The following CDK14 variants were observed in gnomAD, a reference collection of about 807,000 sequenced individuals.
CDK14 encodes the protein cyclin dependent kinase 14.
Under a neutral mutation model 60.7 loss-of-function variants are expected in CDK14, and 34 were observed. That is an observed-to-expected ratio of 0.56 (90% CI 0.43 to 0.75). The LOEUF (loss-of-function observed/expected upper bound fraction) is 0.75. Among genes scored for constraint, CDK14 ranks in the 30% least tolerant of loss-of-function variants. The pLI, the probability that CDK14 is intolerant of heterozygous loss-of-function variation, is 0.00. For missense variants in CDK14, 482 were observed against 564.1 expected, an observed-to-expected ratio of 0.85 and a Z score of 1.47; for synonymous variants, 197 against 203.7, an observed-to-expected ratio of 0.97 and a Z score of 0.28.
chr7:90,676,102 C>T (rs886477334), intron 2 of CDK14, among the ~76,000 whole-genome samples: 2 of 152,182 alleles, frequency 1.3e-5, no homozygotes, highest in Non-Finnish European at 1.5e-5. Context: ...AGTGAAAATG[C>T]AGTAATGAGC....
intron 10 of CDK14, among the ~76,000 whole-genome samples, chr7:90,998,895 A>AAAAG (rs1554401300): frequency 6.7e-6 from 1 of 150,194 alleles, no homozygotes; most frequent in African/African-American, 2.5e-5. Flanking sequence ...TCTCAAAAAT[A>AAAAG]AAATAAATAA....
chr7:90,846,804 C>T (rs1790484443), intron 5 of CDK14, among the ~76,000 whole-genome samples: 1 of 152,056 alleles, frequency 6.6e-6, no homozygotes, highest in African/African-American at 2.4e-5. Context: ...AAAGTGGCCC[C>T]CAGCATCCTA....
chr7:90,828,111 G>A (rs1393441267), intron 5 of CDK14, among the ~76,000 whole-genome samples: 2 of 152,090 alleles, frequency 1.3e-5, no homozygotes, highest in East Asian at 3.8e-4. Context: ...TAACCTCCAA[G>A]GTTTAAATAC....
chr7:90,980,883 G>C (rs1795209722), intron 9 of CDK14, among the ~76,000 whole-genome samples: 1 of 152,172 alleles, frequency 6.6e-6, no homozygotes, highest in South Asian at 2.1e-4. Flanking sequence ...ACATATTATG[G>C]AGATGATATA....
At chr7:91,139,788 T>TTCTTTCTTTCTTTCTC (rs2115604195) in intron 14 of CDK14, among the ~76,000 whole-genome samples, 1 of 86,224 alleles carries the variant, frequency 1.2e-5, no homozygotes, top group South Asian at 4.6e-4. Flanking sequence ...TTTCTTTCCT[T>TTCTTTCTTTCTTTCTC]TCTTTCTTTC....
intron 6 of CDK14, among the ~76,000 whole-genome samples, chr7:90,867,442 GAA>G (rs1315114185): frequency 6.6e-6 from 1 of 152,128 alleles, no homozygotes; most frequent in Non-Finnish European, 1.5e-5. Context: ...TCCCATCAGT[GAA>G]AATAAGAATG....
intron 5 of CDK14, among the ~76,000 whole-genome samples, chr7:90,847,051 G>C (rs1584039969): frequency 6.6e-6 from 1 of 152,238 alleles, no homozygotes; most frequent in South Asian, 2.1e-4. Context: ...TGGTTCAACT[G>C]CTTTATCTTA....
intron 14 of CDK14, among the ~76,000 whole-genome samples, chr7:91,175,505 C>G (rs1230105686): frequency 1.3e-5 from 2 of 152,124 alleles, no homozygotes; most frequent in Non-Finnish European, 2.9e-5. Context: ...TTGAAAGACA[C>G]AGACTGGCAA....
chr7:91,196,483 T>C (rs1189603410), intron 14 of CDK14, among the ~76,000 whole-genome samples: 2 of 152,246 alleles, frequency 1.3e-5, no homozygotes, highest in Non-Finnish European at 2.9e-5. Context: ...GGCAAATCAA[T>C]TGATGCTGTT....
intron 14 of CDK14, among the ~76,000 whole-genome samples, chr7:91,181,083 G>T (rs1212575648): frequency 6.6e-6 from 1 of 152,018 alleles, no homozygotes; most frequent in Admixed American, 6.6e-5. Context: ...CACTCTCCTG[G>T]CCAAAACCAA....
chr7:91,090,407 A>G (rs1798766856), intron 12 of CDK14, among the ~76,000 whole-genome samples: 1 of 152,228 alleles, frequency 6.6e-6, no homozygotes, highest in African/African-American at 2.4e-5. Context: ...ACCACTAGCC[A>G]CGTGTGGCTA....
intron 6 of CDK14, among the ~76,000 whole-genome samples, chr7:90,871,801 A>G (rs10487990): frequency 0.017 from 2,557 of 152,302 alleles, 96 homozygotes; most frequent in African/African-American, 0.059. Flanking sequence ...CTAAGATGTC[A>G]GATACTTCGT....
At chr7:91,192,790 A>G (rs938835495) in intron 14 of CDK14, among the ~76,000 whole-genome samples, 3 of 152,212 alleles carry the variant, frequency 2.0e-5, no homozygotes, top group East Asian at 1.9e-4. Context: ...TAGAGAAGAA[A>G]AAGAATGGAA....
chr7:91,088,569 A>ATATG lies in CDK14; in HGVS notation c.1154+9090_1154+9091insATGT, dbSNP rs148294440. Among the ~76,000 whole-genome samples the ATATG allele has an allele frequency of 2.1e-4, 31 of 149,624 alleles. No individual in the cohort carries two copies. In the South Asian group the frequency reaches 6.2e-3, roughly 30 times the overall value. ...TGGAAGTCTCATAGAGTTTATATAT[A>ATATG]TGTGTGTGTGTGTGTGTGTGTGTGG... On this transcript the variant is annotated intron_variant, in intron 12 of 14. Coordinates refer to ENST00000380050, the MANE Select transcript of CDK14 (RefSeq NM_001287135.2).
rs541685235 is a variant in CDK14 at position 91,173,748 on chromosome 7, T to C, written c.*29-33417T>C. On this transcript the variant is annotated intron_variant, in intron 14 of 14. Transcript: ENST00000380050. ...CCACCCCAATACCGCGCTTTTCCGA[T>C]GGGCTTAAAAAACGGCTCACCACGA... is the stretch of plus-strand genomic sequence containing the variant. Among the ~76,000 whole-genome samples the C allele has an allele frequency of 2.0e-5, 3 of 152,168 alleles. No individual in the cohort carries two copies. The South Asian group carries it at 6.2e-4, about 32-fold the overall frequency.
intron 2 of CDK14, among the ~76,000 whole-genome samples, chr7:90,703,136 C>T (rs1801825688): frequency 6.6e-6 from 1 of 151,936 alleles, no homozygotes; most frequent in South Asian, 2.1e-4. Context: ...TCCTCAATGG[C>T]ATTTTGACAC....
At chr7:90,664,886 A>T (rs996774222) in intron 2 of CDK14, among the ~76,000 whole-genome samples, 1 of 152,150 alleles carries the variant, frequency 6.6e-6, no homozygotes, top group African/African-American at 2.4e-5. Context: ...ACGTGTATAC[A>T]TATGTAACAA....
chr7:90,808,064 T>C (rs1788932058), intron 5 of CDK14, among the ~76,000 whole-genome samples: 2 of 152,244 alleles, frequency 1.3e-5, no homozygotes, highest in African/African-American at 4.8e-5. Context: ...CAGGAGAAGT[T>C]CCCTAATCTA....
chr7:90,806,023 G>T (rs1432680274), intron 5 of CDK14, among the ~76,000 whole-genome samples: 2 of 152,148 alleles, frequency 1.3e-5, no homozygotes, highest in Non-Finnish European at 2.9e-5. Context: ...TTAATAAGTT[G>T]CAAGGCAATT....
Sources: allele counts gnomAD v4.1 joint callset (sites outside exome capture counted in the v4.1 genomes callset), GRCh38; gene constraint gnomAD v4.1.1; transcripts MANE v1.5; gene names NCBI Gene and HGNC (gene_info 2026-07-23, HGNC 2026-07-21).